Variants in CDC14A observed in about 807,000 individuals in gnomAD.
CDC14A encodes the protein cell division cycle 14A, also known as dual specificity protein phosphatase CDC14A.
A neutral mutation model predicts 74.4 loss-of-function variants in CDC14A; 53 were observed. The observed-to-expected ratio is 0.71, with a 90% CI of 0.57 to 0.89. The LOEUF (loss-of-function observed/expected upper bound fraction) is 0.89, where lower values mean the gene tolerates loss of function less well. Among genes scored for constraint, CDC14A ranks in the 40% least tolerant of loss-of-function variants. The pLI is 0.00. For missense variants in CDC14A, 646 were observed against 713.7 expected (o/e 0.91, Z 1.08); for synonymous variants, 247 against 258.4 (o/e 0.96, Z 0.43).
intron 5 of CDC14A, among the ~76,000 whole-genome samples, chr1:100,428,814 A>G (rs1335445654): frequency 6.6e-6 from 1 of 152,158 alleles, no homozygotes; most frequent in Non-Finnish European, 1.5e-5. Context: ...TTTTAAATTC[A>G]TTTTATACTT....
chr1:100,512,843 T>C (rs1372629882), intron 15 of CDC14A, among the ~76,000 whole-genome samples: 1 of 152,208 alleles, frequency 6.6e-6, no homozygotes, highest in Non-Finnish European at 1.5e-5. Context: ...TTTATCTTAA[T>C]ATGATGCCAA....
chr1:100,460,726 CAGA>C (rs1214583595), intron 8 of CDC14A, among the ~76,000 whole-genome samples: 3 of 152,196 alleles, frequency 2.0e-5, no homozygotes, highest in South Asian at 4.1e-4. Context: ...TGTTTCTACA[CAGA>C]AGATTTTAAA....
chr1:100,356,621 C>T (rs982024112), intron 2 of CDC14A, among the ~76,000 whole-genome samples: 2 of 151,712 alleles, frequency 1.3e-5, no homozygotes, highest in African/African-American at 2.4e-5. Flanking sequence ...TTTGGGAGGC[C>T]GAGGCAGGTG....
chr1:100,358,947 A>G (rs1365639890), intron 2 of CDC14A, among the ~76,000 whole-genome samples: 1 of 152,238 alleles, frequency 6.6e-6, no homozygotes, highest in East Asian at 1.9e-4. Context: ...AATTAAATGT[A>G]TAGCAAGTAG....
At chr1:100,458,689 A>G (rs1338811033) in intron 8 of CDC14A, among the ~76,000 whole-genome samples, 1 of 145,678 alleles carries the variant, frequency 6.9e-6, no homozygotes, top group Non-Finnish European at 1.5e-5. Context: ...CGTCTTGGTA[A>G]TTTTTTTTTT....
intron 4 of CDC14A, among the ~76,000 whole-genome samples, chr1:100,408,849 G>A (rs1660295298): frequency 6.6e-6 from 1 of 152,072 alleles, no homozygotes; most frequent in African/African-American, 2.4e-5. Flanking sequence ...TCTTTATGTT[G>A]GGGACATTCA....
chr1:100,506,119 C>T (rs1031434745), intron 15 of CDC14A, among the ~76,000 whole-genome samples: 2 of 152,130 alleles, frequency 1.3e-5, no homozygotes, highest in Admixed American at 6.5e-5. Context: ...AGTCACATTT[C>T]AACAGGACAT....
At chr1:100,512,205 A>T (rs1649837968) in intron 15 of CDC14A, among the ~76,000 whole-genome samples, 1 of 152,094 alleles carries the variant, frequency 6.6e-6, no homozygotes, top group Non-Finnish European at 1.5e-5. Flanking sequence ...CTCATATTAT[A>T]GTCAGTTATA....
At chr1:100,447,897 G>T (rs548077363) in intron 7 of CDC14A, among the ~76,000 whole-genome samples, 18 of 152,180 alleles carry the variant, frequency 1.2e-4, no homozygotes, top group Non-Finnish European at 2.1e-4. Flanking sequence ...TGATGCTACT[G>T]TTAAGCAGTT....
At position 100,439,961 on chromosome 1, in the gene CDC14A, A is replaced by G. The variant is rs1664746309; in HGVS notation, c.419A>G (p.Asn140Ser). 3.1e-6 allele frequency: 5 copies of G among 1,613,484 alleles called. No individual in the cohort carries two copies. Among genetic ancestry groups the G allele is most frequent in the South Asian group, 2.2e-5 (2 of 91,062 alleles). ...RDASFGNCTY[N>S]LTILDCLQGI... Reference sequence around the variant, plus strand: ...GCTTCCTTTGGAAATTGCACTTACAATCTCACCATTCTCGACTGTTTGCAG... The same window carrying G: ...GCTTCCTTTGGAAATTGCACTTACAGTCTCACCATTCTCGACTGTTTGCAG... Residue 140 changes from asparagine (N) to serine (S), a missense_variant, in exon 6 of 16, where the codon AAT (asparagine) becomes AGT (serine). Asn to Ser is a conservative substitution (Grantham distance 46, BLOSUM62 1). Transcript: ENST00000336454.
intron 10 of CDC14A, among the ~76,000 whole-genome samples, chr1:100,471,126 T>C (rs1444573852): frequency 6.6e-6 from 1 of 152,094 alleles, no homozygotes; most frequent in Non-Finnish European, 1.5e-5. Flanking sequence ...ATACTCAACA[T>C]AGATGAATAT....
intron 4 of CDC14A, among the ~76,000 whole-genome samples, chr1:100,407,682 A>G (rs1366229012): frequency 6.6e-6 from 1 of 152,130 alleles, no homozygotes; most frequent in Admixed American, 6.5e-5. Context: ...TCCTATTTGA[A>G]TACCCTTTAT....
Position 100,455,505 on chromosome 1 carries a change from T to G in CDC14A, c.607+13T>G. 7.0e-7 allele frequency: 1 copy of G among 1,436,786 alleles called. No individual in the cohort carries two copies. Among genetic ancestry groups the G allele is most frequent in the East Asian group, 2.3e-5 (1 of 43,584 alleles). The allele number at this position is 1,436,786 out of a possible 1,614,324, so 89.0% of individuals were successfully genotyped here. On this transcript the variant is annotated intron_variant, in intron 8 of 15. Coordinates refer to ENST00000336454, the MANE Select transcript of CDC14A (RefSeq NM_003672.4). ...AAAATTGAGAATGGTAGGTTTTTTTTTCCTTTACCATCCAAACATTTATTT... is the reference window on the plus strand; with the variant it reads ...AAAATTGAGAATGGTAGGTTTTTTTGTCCTTTACCATCCAAACATTTATTT...
intron 15 of CDC14A, among the ~76,000 whole-genome samples, chr1:100,517,130 G>T (rs905183743): frequency 2.0e-5 from 3 of 152,210 alleles, no homozygotes; most frequent in Non-Finnish European, 4.4e-5. Context: ...TGTTAACAGG[G>T]ACTTACTCAG....
At chr1:100,460,362 G>A (rs1196055224) in intron 8 of CDC14A, among the ~76,000 whole-genome samples, 1 of 152,172 alleles carries the variant, frequency 6.6e-6, no homozygotes, top group Non-Finnish European at 1.5e-5. Context: ...TGAAAAGAGA[G>A]ATTCTTGCAG....
chr1:100,345,435 T>C (rs1260377599), intron 1 of CDC14A, among the ~76,000 whole-genome samples: 1 of 152,226 alleles, frequency 6.6e-6, no homozygotes, highest in Non-Finnish European at 1.5e-5. Flanking sequence ...TTTACTGTTA[T>C]TCTTGTGAGT....
intron 4 of CDC14A, among the ~76,000 whole-genome samples, chr1:100,411,216 C>G (rs1207457479): frequency 6.6e-6 from 1 of 152,198 alleles, no homozygotes. Context: ...CCTCTACCTT[C>G]GCAGCCCTCA....
At chr1:100,496,638 C>G (rs1647874203) in intron 13 of CDC14A, among the ~76,000 whole-genome samples, 1 of 152,170 alleles carries the variant, frequency 6.6e-6, no homozygotes, top group African/African-American at 2.4e-5. Flanking sequence ...CCTGCTGGTT[C>G]TTATTCATTC....
chr1:100,361,412 C>G (rs1213663841), intron 2 of CDC14A, among the ~76,000 whole-genome samples: 1 of 152,156 alleles, frequency 6.6e-6, no homozygotes, highest in Non-Finnish European at 1.5e-5. Context: ...TATTGCTACC[C>G]AGGGTGATAA....
Sources: allele counts gnomAD v4.1 joint callset (sites outside exome capture counted in the v4.1 genomes callset), GRCh38; gene constraint gnomAD v4.1.1; transcripts MANE v1.5; gene names NCBI Gene and HGNC (gene_info 2026-07-23, HGNC 2026-07-21).